TRMT1: variants seen among roughly 807,000 people sequenced by gnomAD.
TRMT1 encodes tRNA (guanine(26)-N(2))-dimethyltransferase.
In TRMT1, 63 loss-of-function variants were observed where a neutral mutation model predicts 75.4. That is an observed-to-expected ratio of 0.84 (90% CI 0.68 to 1.03). The LOEUF is 1.03. Ranked by LOEUF, TRMT1 falls within the 50% of genes least tolerant of loss-of-function variation. The probability of loss-of-function intolerance (pLI) is 0.00; values close to 1 mark genes in which losing one functional copy is unlikely to be tolerated. For missense variants in TRMT1, 870 were observed against 905.3 expected (o/e 0.96, Z 0.50); for synonymous variants, 382 against 358.1 (o/e 1.07, Z -0.75).
chr19:13,112,641 G>C, intron 7 of TRMT1, 64 bp downstream of exon 7: 2 of 1,499,382 alleles, frequency 1.3e-6, no homozygotes, highest in Admixed American at 3.4e-5. Flanking sequence ...AAGTGTATTG[G>C]GAAGGGACTC....
chr19:13,106,268 A>G (rs2018864167), intron 14 of TRMT1, among the ~76,000 whole-genome samples: 1 of 132,792 alleles, frequency 7.5e-6, no homozygotes, highest in Non-Finnish European at 1.6e-5. Flanking sequence ...ATGGAGTCTT[A>G]ATTACTGTGT....
chr19:13,116,264 C>T lies in TRMT1; in HGVS notation c.136G>A (p.Glu46Lys), dbSNP rs2019351644. 2 of 1,614,088 alleles carry T rather than the reference C, an allele frequency of 1.2e-6. No homozygotes were observed. The highest frequency in any genetic ancestry group is 1.7e-5 in the Admixed American group (1 of 60,014). The change falls in exon 2 of 17, where the codon GAA becomes AAA. Residue 46 changes from glutamate (E) to lysine (K), a missense_variant. Coordinates refer to ENST00000357720, the MANE Select transcript of TRMT1 (RefSeq NM_001136035.4). ...TCCTGGACTTCACGTGGACGTTCTT[C>T]TCCGTAGGGCCCGGTGCCGTTCTCC... is the stretch of plus-strand genomic sequence containing the variant. ...AMENGTGPYG[E>K]ERPREVQETT...
intron 14 of TRMT1, among the ~76,000 whole-genome samples, chr19:13,107,087 C>T (rs555161592): frequency 1.3e-5 from 2 of 149,328 alleles, no homozygotes; most frequent in African/African-American, 4.9e-5. Context: ...CCGCCTGCCT[C>T]GGCCTCCCAA....
Position 13,107,779 on chromosome 19 carries a change from G to C in TRMT1, c.1478C>G (p.Ser493Cys), listed in dbSNP as rs1568361101. The part of the protein sequence containing the change: ...KNAVKTDAPA[S>C]ALWDIMRCWE... ...GCAACGCATGATGTCCCAGAGGGCA[G>C]AGGCAGGGGCATCCGTCTTCACAGC... Residue 493 changes from serine (S) to cysteine (C), a missense_variant, in exon 13 of 17, where the codon TCT becomes TGT. Physicochemically the swap from Ser to Cys is moderately radical, Grantham distance 112. Transcript: ENST00000357720. The C allele has an allele frequency of 3.2e-6, 5 of 1,553,204 alleles. No homozygotes were observed. The highest frequency in any genetic ancestry group is 3.5e-6 in the Non-Finnish European group (4 of 1,147,632).
At chr19:13,106,750 G>A (rs1219927472) in intron 14 of TRMT1, among the ~76,000 whole-genome samples, 2 of 151,556 alleles carry the variant, frequency 1.3e-5, no homozygotes, top group African/African-American at 4.9e-5. Flanking sequence ...GCCTCCCAAA[G>A]TGCTGGGATT....
At chr19:13,107,461 C>T in intron 14 of TRMT1, 113 bp downstream of exon 14, 1 of 1,302,206 alleles carries the variant, frequency 7.7e-7, no homozygotes, top group Non-Finnish European at 1.1e-6. Context: ...TTTTGAATCT[C>T]ACTTGAAGAA....
chr19:13,113,474 T>C (rs756268000), intron 5 of TRMT1, among the ~76,000 whole-genome samples: 1 of 151,726 alleles, frequency 6.6e-6, no homozygotes, highest in Non-Finnish European at 1.5e-5. Context: ...TGGTCATTTA[T>C]TAAACTGCAC....
rs761336576 is a variant in TRMT1, at chr19:13,105,006, G to A, written c.1909C>T (p.Pro637Ser). ...TGGTTGGAGGTCTCTGGACAGTCAG[G>A]GGCAGCATCAGCAGAAACCCTGGGT... ...PTPRVSADAA[P>S]DCPETSNQTP... The change falls in exon 17 of 17, where the codon CCT (proline) becomes TCT (serine). Residue 637 changes from proline (P) to serine (S), a missense_variant. Pro to Ser is a moderately conservative substitution (Grantham distance 74, BLOSUM62 -1). Coordinates refer to ENST00000357720, the MANE Select transcript of TRMT1 (RefSeq NM_001136035.4). 2 of 1,613,418 alleles carry A rather than the reference G, an allele frequency of 1.2e-6. No individual in the cohort carries two copies. Among genetic ancestry groups the A allele is most frequent in the Non-Finnish European group, 1.7e-6 (2 of 1,179,716 alleles).
chr19:13,110,317 GGGGT>G lies in TRMT1; in HGVS notation c.871-15_871-12del. On this transcript the variant is annotated splice_polypyrimidine_tract_variant and intron_variant, in intron 7 of 16. Coordinates refer to ENST00000357720, the MANE Select transcript of TRMT1 (RefSeq NM_001136035.4). The stretch of plus-strand genomic sequence containing the variant: ...GACGATTCTCAGGGCCTGGGGGTGG[GGGGT>G]GGGTGTCAGCCTCCCCTCCACTATC... The G allele has an allele frequency of 1.2e-6, 1 of 807,952 alleles. No individual in the cohort carries two copies. Among genetic ancestry groups the G allele is most frequent in the Non-Finnish European group, 2.1e-6 (1 of 476,806 alleles). The allele number at this position is 807,952 out of a possible 1,614,324, so 50.0% of individuals were successfully genotyped here.
intron 14 of TRMT1, among the ~76,000 whole-genome samples, chr19:13,107,186 GT>G (rs2018914242): frequency 1.3e-5 from 2 of 151,388 alleles, no homozygotes; most frequent in African/African-American, 4.9e-5. Context: ...CCAGGCTGGA[GT>G]GCAATGGCGC....
In TRMT1 at chr19:13,115,438, G is replaced by C; in HGVS notation, c.482C>G (p.Ala161Gly). The C allele has an allele frequency of 6.2e-7, 1 of 1,613,674 alleles. No homozygotes were observed. Among genetic ancestry groups the C allele is most frequent in the Non-Finnish European group, 8.5e-7 (1 of 1,179,846 alleles). ...EEGLHVLEGL[A>G]ASGLRSIRFA... The stretch of plus-strand genomic sequence containing the variant: ...TCGAATGGAACGTAGGCCTGAAGCT[G>C]CCAGGCCTTCCAGCACATGCAGGCC... Residue 161 changes from alanine to glycine, a missense_variant, in exon 5 of 17, where the codon GCA (alanine) becomes GGA (glycine). Ala to Gly is a moderately conservative substitution (Grantham distance 60, BLOSUM62 0). Transcript: ENST00000357720.
chr19:13,116,611 C>T, intron 1 of TRMT1, 42 bp downstream of exon 1: 1 of 677,270 alleles, frequency 1.5e-6, no homozygotes. Context: ...CAGGCCCGCC[C>T]CGAGTCCGAA....
rs1316081486 is a variant in TRMT1 at position 13,109,859 on chromosome 19, G to A, written c.1107-21C>T. 3 of 1,614,082 alleles carry A rather than the reference G, an allele frequency of 1.9e-6. 1 individual carries two copies. In the South Asian group the frequency reaches 3.3e-5, roughly 18 times the overall value. On this transcript the variant is annotated intron_variant, in intron 9 of 16. Transcript: ENST00000357720. ...TGGCCCTAAACAGAGAGGGGTGGTTGGTGGGGAGGGAGGAAAACCCTGGGA... is the reference window on the plus strand; with the variant it reads ...TGGCCCTAAACAGAGAGGGGTGGTTAGTGGGGAGGGAGGAAAACCCTGGGA...
At chr19:13,116,482 C>T (rs2019369133) in intron 1 of TRMT1, 51 bp from the exon 2 acceptor site, 1 of 1,518,978 alleles carries the variant, frequency 6.6e-7, no homozygotes, top group Non-Finnish European at 8.8e-7. Context: ...AGCCGCATTC[C>T]GGGCCCGGGG....
intron 7 of TRMT1, among the ~76,000 whole-genome samples, chr19:13,111,641 G>A (rs1599948018): frequency 1.4e-5 from 2 of 143,564 alleles, no homozygotes; most frequent in Middle Eastern, 3.9e-3. Flanking sequence ...CTTGAACACC[G>A]CCCACCTCGG....
chr19:13,107,520 G>A, intron 14 of TRMT1, 54 bp downstream of exon 14: 1 of 1,545,582 alleles, frequency 6.5e-7, no homozygotes, highest in East Asian at 2.4e-5. Flanking sequence ...GCACACACAT[G>A]TGCTTCCATG....
rs763862154 is a variant in TRMT1, at chr19:13,115,274, C to T, written c.641+5G>A. 1.2e-6 allele frequency: 2 copies of T among 1,607,790 alleles called. No homozygotes were observed. ...CAGAGCTAGGCTGTGATGCCCAGAA[C>T]CTACCGGGCATCTGCTTGGCTCGGC... On this transcript the variant is annotated splice_donor_5th_base_variant and intron_variant, in intron 5 of 16. Transcript: ENST00000357720.
At chr19:13,110,384 G>C in intron 7 of TRMT1, 78 bp from the exon 8 acceptor site, 1 of 1,468,352 alleles carries the variant, frequency 6.8e-7, no homozygotes, top group Admixed American at 2.3e-5. Flanking sequence ...GTACTCACAA[G>C]TACAGGCTCA....
chr19:13,111,405 C>A (rs1047302460), intron 7 of TRMT1, among the ~76,000 whole-genome samples: 1 of 141,726 alleles, frequency 7.1e-6, no homozygotes, highest in African/African-American at 2.6e-5. Context: ...TTTTTTGAGA[C>A]AGAGTTTTGC....
Sources: allele counts gnomAD v4.1 joint callset (sites outside exome capture counted in the v4.1 genomes callset), GRCh38; gene constraint gnomAD v4.1.1; transcripts MANE v1.5; gene names NCBI Gene and HGNC (gene_info 2026-07-23, HGNC 2026-07-21).